Variants in AKAP19 observed in about 807,000 individuals in gnomAD.
AKAP19 encodes small A-kinase anchoring protein.
the AKAP19 span, among the ~76,000 whole-genome samples, chr2:189,947,196 C>T: frequency 2.6e-5 from 4 of 152,152 alleles, no homozygotes; most frequent in Admixed American, 2.0e-4. Flanking sequence ...ATTGGGTTTT[C>T]GTTTTAGCCC....
At chr2:190,048,778 A>G in the AKAP19 span, among the ~76,000 whole-genome samples, 1 of 152,170 alleles carries the variant, frequency 6.6e-6, no homozygotes, top group Admixed American at 6.5e-5. Context: ...GGAGATGTCC[A>G]TTGGGCATCA....
the AKAP19 span, among the ~76,000 whole-genome samples, chr2:190,032,454 T>A: frequency 1.3e-5 from 2 of 152,142 alleles, no homozygotes; most frequent in African/African-American, 4.8e-5. Context: ...TCAGTATAGT[T>A]CCTATTTGAC....
At chr2:190,194,055 T>C in the AKAP19 span, among the ~76,000 whole-genome samples, 6 of 152,216 alleles carry the variant, frequency 3.9e-5, no homozygotes, top group African/African-American at 1.4e-4. Context: ...TATTTAGAAA[T>C]ATGTTTAGTT....
At chr2:190,087,602 T>C in the AKAP19 span, among the ~76,000 whole-genome samples, 7 of 152,204 alleles carry the variant, frequency 4.6e-5, no homozygotes, top group Non-Finnish European at 1.0e-4. Context: ...ATTCCTCAAA[T>C]TCTGTTTTCC....
the AKAP19 span, among the ~76,000 whole-genome samples, chr2:189,980,092 AT>A: frequency 1.3e-5 from 2 of 152,200 alleles, no homozygotes; most frequent in Non-Finnish European, 2.9e-5. Flanking sequence ...ACATCATTTT[AT>A]CAAAAAGACA....
the AKAP19 span, among the ~76,000 whole-genome samples, chr2:190,152,924 C>T: frequency 1.4e-5 from 2 of 143,014 alleles, no homozygotes; most frequent in Admixed American, 7.2e-5. Flanking sequence ...GAGACGAAGT[C>T]TCACTCTGTC....
chr2:190,059,610 T>C, the AKAP19 span, among the ~76,000 whole-genome samples: 14 of 152,010 alleles, frequency 9.2e-5, no homozygotes, highest in African/African-American at 3.4e-4. Flanking sequence ...CATTTAATTA[T>C]AATTTTAAAA....
the AKAP19 span, among the ~76,000 whole-genome samples, chr2:190,108,356 A>G: frequency 9.9e-5 from 15 of 152,150 alleles, no homozygotes; most frequent in Admixed American, 3.9e-4. Context: ...GGGTTTTGCC[A>G]TGTTGGCCAG....
At chr2:190,192,452 CTGTGTGTGTGTGTG>C in the AKAP19 span, among the ~76,000 whole-genome samples, 1,364 of 145,348 alleles carry the variant, frequency 9.4e-3, 13 homozygotes, top group African/African-American at 0.014. Context: ...AATTCAGAAT[CTGTGTGTGTGTGTG>C]TGTGTGTGTG....
the AKAP19 span, among the ~76,000 whole-genome samples, chr2:189,932,014 G>T: frequency 1.3e-5 from 2 of 152,068 alleles, no homozygotes; most frequent in Non-Finnish European, 2.9e-5. Context: ...TCTAAATTTT[G>T]CCAGACACCT....
At chr2:189,941,584 A>T in the AKAP19 span, among the ~76,000 whole-genome samples, 2 of 152,256 alleles carry the variant, frequency 1.3e-5, no homozygotes, top group Non-Finnish European at 2.9e-5. Flanking sequence ...TTGAGATCCA[A>T]AGTAAATATA....
At chr2:190,119,004 G>T in the AKAP19 span, among the ~76,000 whole-genome samples, 1 of 152,168 alleles carries the variant, frequency 6.6e-6, no homozygotes, top group Non-Finnish European at 1.5e-5. Context: ...TAAGCTGATA[G>T]GCAACTTCAG....
chr2:190,049,919 T>C, the AKAP19 span, among the ~76,000 whole-genome samples: 4 of 152,244 alleles, frequency 2.6e-5, no homozygotes, highest in African/African-American at 7.2e-5. Flanking sequence ...TTAGAATGTA[T>C]GTTATTTCCA....
chr2:189,987,375 G>A, the AKAP19 span, among the ~76,000 whole-genome samples: 6 of 152,114 alleles, frequency 3.9e-5, no homozygotes, highest in African/African-American at 1.4e-4. Context: ...CCAGTCTTGG[G>A]CATGTCTTTA....
At chr2:190,048,024 A>T in the AKAP19 span, among the ~76,000 whole-genome samples, 1 of 152,174 alleles carries the variant, frequency 6.6e-6, no homozygotes, top group Non-Finnish European at 1.5e-5. Context: ...AAATAAATGG[A>T]TGAATATGGG....
the AKAP19 span, among the ~76,000 whole-genome samples, chr2:190,118,068 A>G: frequency 1.3e-5 from 2 of 152,246 alleles, no homozygotes; most frequent in African/African-American, 4.8e-5. Context: ...ACAAACTACC[A>G]TCAGAGAGTA....
the AKAP19 span, among the ~76,000 whole-genome samples, chr2:189,931,735 C>T: frequency 1.3e-5 from 2 of 152,134 alleles, no homozygotes; most frequent in Non-Finnish European, 2.9e-5. Flanking sequence ...TCTCCCACCT[C>T]AGCCTCCCAA....
chr2:190,036,605 T>A, the AKAP19 span, among the ~76,000 whole-genome samples: 1 of 152,196 alleles, frequency 6.6e-6, no homozygotes, highest in Non-Finnish European at 1.5e-5. Flanking sequence ...AGTATTTTTT[T>A]TTTCATTAGA....
chr2:190,167,701 G>A, the AKAP19 span, among the ~76,000 whole-genome samples: 5 of 152,176 alleles, frequency 3.3e-5, no homozygotes, highest in East Asian at 1.9e-4. Context: ...AAAATCCAGC[G>A]GGGCAGTCAA....
Sources: allele counts gnomAD v4.1 joint callset (sites outside exome capture counted in the v4.1 genomes callset), GRCh38; gene constraint gnomAD v4.1.1; transcripts MANE v1.5; gene names NCBI Gene and HGNC (gene_info 2026-07-23, HGNC 2026-07-21).